The following GJB2 variants were observed in gnomAD, a reference collection of about 807,000 sequenced individuals.
GJB2 encodes gap junction protein beta 2.
A neutral mutation model predicts 16.0 loss-of-function variants in GJB2; 30 were observed. The observed-to-expected ratio is 1.88, with a 90% CI of 1.41 to 2.55. GJB2 has a LOEUF of 2.55. GJB2 is among the 30% of genes most tolerant of loss of function. GJB2 has a pLI of 0.00. For missense variants in GJB2, 284 were observed against 289.7 expected (o/e 0.98, Z 0.14); for synonymous variants, 123 against 119.1 (o/e 1.03, Z -0.21).
intron 1 of GJB2, among the ~76,000 whole-genome samples, chr13:20,190,720 C>A (rs776814250): frequency 6.6e-6 from 1 of 152,224 alleles, no homozygotes; most frequent in Non-Finnish European, 1.5e-5. Flanking sequence ...CCACAACCAA[C>A]GCTCTCCTAA....
chr13:20,189,607 GA>G lies in GJB2; in HGVS notation c.-22-5del. 6.2e-7 allele frequency: 1 copy of G among 1,602,870 alleles called. No individual in the cohort carries two copies. The highest frequency in any genetic ancestry group is 8.5e-7 in the Non-Finnish European group (1 of 1,170,262). ...CTTCTACTCTGGGCGGTTTGCTCTG[GA>G]AAAGACGAATGCACACAACACAGGA... On this transcript the variant is annotated splice_polypyrimidine_tract_variant and splice_region_variant and intron_variant, in intron 1 of 1. Coordinates refer to ENST00000382848, the MANE Select transcript of GJB2 (RefSeq NM_004004.6).
At chr13:20,190,903 T>C (rs984319602) in intron 1 of GJB2, among the ~76,000 whole-genome samples, 1 of 152,190 alleles carries the variant, frequency 6.6e-6, no homozygotes, top group Non-Finnish European at 1.5e-5. Flanking sequence ...TGAATGTCTT[T>C]CATGACCCAC....
chr13:20,192,927 CG>C lies in GJB2; in HGVS notation c.-168del, dbSNP rs2137312412. 1 of 152,866 alleles carries C rather than the reference CG, an allele frequency of 6.5e-6. No individual in the cohort carries two copies. Among genetic ancestry groups the C allele is most frequent in the Non-Finnish European group, 1.5e-5 (1 of 68,488 alleles). The allele number at this position is 152,866 out of a possible 1,614,324, so 9.5% of individuals were successfully genotyped here. A position where few individuals can be genotyped will look rare whatever the true frequency, so the allele number is the denominator to read the frequency against. On this transcript the variant is annotated 5_prime_UTR_variant, in exon 1 of 2. Transcript: ENST00000382848. ...CGGGGAGAGGAGCGCGCGGGCGCTG[CG>C]GGGCCGCAACACCTGTCTCCCGCCG...
At chr13:20,190,432 CA>C (rs1188447980) in intron 1 of GJB2, among the ~76,000 whole-genome samples, 2 of 152,188 alleles carry the variant, frequency 1.3e-5, no homozygotes, top group Non-Finnish European at 2.9e-5. Context: ...ATAAGTGCTG[CA>C]ACAGTGCATT....
Position 20,187,986 on chromosome 13 carries a change from G to C in GJB2, c.*915C>G, listed in dbSNP as rs189685514. On this transcript the variant is annotated 3_prime_UTR_variant, in exon 2 of 2. Coordinates refer to ENST00000382848, the MANE Select transcript of GJB2 (RefSeq NM_004004.6). ...GTTCTTTCCGATGCTGGCTACCACA[G>C]TCATGGAAAAGGGAGATGTGTTGGA... 1 of 152,338 alleles carries C rather than the reference G, an allele frequency of 6.6e-6. No homozygotes were observed. Among genetic ancestry groups the C allele is most frequent in the African/African-American group, 2.4e-5 (1 of 41,580 alleles). The allele number at this position is 152,338 out of a possible 1,614,324, so 9.4% of individuals were successfully genotyped here.
rs9237 is a variant in GJB2 at position 20,187,834 on chromosome 13, C to T, written c.*1067G>A. The T allele has an allele frequency of 6.6e-6, 1 of 152,162 alleles. No individual in the cohort carries two copies. The highest frequency in any genetic ancestry group is 2.4e-5 in the African/African-American group (1 of 41,406). The allele number at this position is 152,162 out of a possible 1,614,324, so 9.4% of individuals were successfully genotyped here. A position where few individuals can be genotyped will look rare whatever the true frequency, so the allele number is the denominator to read the frequency against. On this transcript the variant is annotated 3_prime_UTR_variant, in exon 2 of 2. Coordinates refer to ENST00000382848, the MANE Select transcript of GJB2 (RefSeq NM_004004.6). ...ACAAAGCTCATCTTTAATCAACAGACTTTAGAGTCCAGTCTTTCCAAATCT... is the reference window on the plus strand; with the variant it reads ...ACAAAGCTCATCTTTAATCAACAGATTTTAGAGTCCAGTCTTTCCAAATCT...
At chr13:20,189,719 C>T in intron 1 of GJB2, 116 bp from the exon 2 acceptor site, 1 of 795,456 alleles carries the variant, frequency 1.3e-6, no homozygotes, top group South Asian at 1.4e-5. Context: ...AACACCAACT[C>T]TTACACAACC....
chr13:20,188,808 G>T lies in GJB2; in HGVS notation c.*93C>A. 1.0e-6 allele frequency: 1 copy of T among 1,000,308 alleles called. No individual in the cohort carries two copies. 62.0% of individuals were successfully genotyped at this position (1,000,308 alleles called of 1,614,324 possible). On this transcript the variant is annotated 3_prime_UTR_variant, in exon 2 of 2. Coordinates refer to ENST00000382848, the MANE Select transcript of GJB2 (RefSeq NM_004004.6). ...ATTTAAGGTCAGAATCTTTGTGTTG[G>T]GAAATGCTAGCGACTGAGCCTTGAC...
rs915521910 is a variant in GJB2 at position 20,189,274 on chromosome 13, T to A, written c.308A>T (p.Lys103Met). The A allele has an allele frequency of 6.2e-7, 1 of 1,613,780 alleles. No homozygotes were observed. Among genetic ancestry groups the A allele is most frequent in the Non-Finnish European group, 8.5e-7 (1 of 1,180,042 alleles). The change falls in exon 2 of 2, where the codon AAG becomes ATG. Residue 103 changes from lysine (K) to methionine (M), a missense_variant. Physicochemically the swap from Lys to Met is moderately conservative, Grantham distance 95. Coordinates refer to ENST00000382848, the MANE Select transcript of GJB2 (RefSeq NM_004004.6). ...TATCTCCCCCTTGATGAACTTCCTCTTCTTCTCATGTCTCCGGTAGGCCAC... is the reference window on the plus strand; with the variant it reads ...TATCTCCCCCTTGATGAACTTCCTCATCTTCTCATGTCTCCGGTAGGCCAC... ...MHVAYRRHEK[K>M]RKFIKGEIKS...
chr13:20,188,848 T>C lies in GJB2; in HGVS notation c.*53A>G, dbSNP rs1959054317. 5 of 1,371,144 alleles carry C rather than the reference T, an allele frequency of 3.6e-6. No homozygotes were observed. The highest frequency in any genetic ancestry group is 1.7e-5 in the Admixed American group (1 of 59,730). The allele number at this position is 1,371,144 out of a possible 1,614,324, so 84.9% of individuals were successfully genotyped here. ...TGAGCCTTGACAGCTGAGCACGGGT[T>C]GCCTCATCCCTCTCATGCTGTCTAT... On this transcript the variant is annotated 3_prime_UTR_variant, in exon 2 of 2. Transcript: ENST00000382848.
chr13:20,188,302 T>C lies in GJB2; in HGVS notation c.*599A>G, dbSNP rs1283516484. 1 of 152,736 alleles carries C rather than the reference T, an allele frequency of 6.5e-6. No individual in the cohort carries two copies. The highest frequency in any genetic ancestry group is 2.4e-5 in the African/African-American group (1 of 41,448). The allele number at this position is 152,736 out of a possible 1,614,324, so 9.5% of individuals were successfully genotyped here. A position where few individuals can be genotyped will look rare whatever the true frequency, so the allele number is the denominator to read the frequency against. The stretch of plus-strand genomic sequence containing the variant: ...ATTTACATATTACAATCTGAGCCTC[T>C]GAAACAGGGGGAACATATAATGGTA... On this transcript the variant is annotated 3_prime_UTR_variant, in exon 2 of 2. Transcript: ENST00000382848.
At position 20,189,284 on chromosome 13, in the gene GJB2, G is replaced by A. The variant is rs143343083; in HGVS notation, c.298C>T (p.His100Tyr). 7.3e-5 allele frequency: 117 copies of A among 1,613,672 alleles called. No homozygotes were observed. Among genetic ancestry groups the A allele is most frequent in the Non-Finnish European group, 9.6e-5 (113 of 1,180,038 alleles). The change falls in exon 2 of 2, where the codon CAT becomes TAT. Residue 100 changes from histidine to tyrosine, a missense_variant. His to Tyr is a moderately conservative substitution (Grantham distance 83). Transcript: ENST00000382848. ...LVAMHVAYRRHEKKRKFIKGE... is the reference protein window; with the variant it reads ...LVAMHVAYRRYEKKRKFIKGE... ...TTGATGAACTTCCTCTTCTTCTCAT[G>A]TCTCCGGTAGGCCACGTGCATGGCC...
In GJB2 at chr13:20,189,601, G is replaced by C; in HGVS notation, c.-20C>G. Reference sequence around the variant, plus strand: ...ATCCATCTTCTACTCTGGGCGGTTTGCTCTGGAAAAGACGAATGCACACAA... The same window carrying C: ...ATCCATCTTCTACTCTGGGCGGTTTCCTCTGGAAAAGACGAATGCACACAA... On this transcript the variant is annotated splice_region_variant and 5_prime_UTR_variant, in exon 2 of 2. Coordinates refer to ENST00000382848, the MANE Select transcript of GJB2 (RefSeq NM_004004.6). 1 of 1,612,274 alleles carries C rather than the reference G, an allele frequency of 6.2e-7. No homozygotes were observed. Among genetic ancestry groups the C allele is most frequent in the Non-Finnish European group, 8.5e-7 (1 of 1,178,596 alleles).
intron 1 of GJB2, among the ~76,000 whole-genome samples, chr13:20,191,441 A>G (rs1959075824): frequency 6.6e-6 from 1 of 152,220 alleles, no homozygotes; most frequent in Non-Finnish European, 1.5e-5. Flanking sequence ...ATCAGCTGAG[A>G]AAAATACAGT....
intron 1 of GJB2, 101 bp from the exon 2 acceptor site, chr13:20,189,704 G>T: frequency 1.1e-6 from 1 of 890,704 alleles, no homozygotes. Context: ...ATCTCTTCCT[G>T]AGCAAACACC....
In GJB2 at chr13:20,187,662, T is replaced by G. The variant is rs1016745684; in HGVS notation, c.*1239A>C. Reference sequence around the variant, plus strand: ...CATTTTTTGGAAACCATGTCAAGCATAATGGCAATATTCAGGTTCAATCTT... The same window carrying G: ...CATTTTTTGGAAACCATGTCAAGCAGAATGGCAATATTCAGGTTCAATCTT... On this transcript the variant is annotated 3_prime_UTR_variant, in exon 2 of 2. Coordinates refer to ENST00000382848, the MANE Select transcript of GJB2 (RefSeq NM_004004.6). 6.6e-6 allele frequency: 1 copy of G among 152,196 alleles called. No homozygotes were observed. Among genetic ancestry groups the G allele is most frequent in the Non-Finnish European group, 1.5e-5 (1 of 68,044 alleles). 9.4% of individuals were successfully genotyped at this position (152,196 alleles called of 1,614,324 possible). A position where few individuals can be genotyped will look rare whatever the true frequency, so the allele number is the denominator to read the frequency against.
intron 1 of GJB2, chr13:20,189,915 C>T (rs141915221): frequency 1.5e-4 from 57 of 384,730 alleles, no homozygotes; most frequent in African/African-American, 1.0e-3. Flanking sequence ...ATAAAGTCCT[C>T]GTTAGCTGAA....
At position 20,189,595 on chromosome 13, in the gene GJB2, CG is replaced by C. The variant is rs1566529147; in HGVS notation, c.-15del. 3 of 1,613,324 alleles carry C rather than the reference CG, an allele frequency of 1.9e-6. No individual in the cohort carries two copies. Among genetic ancestry groups the C allele is most frequent in the South Asian group, 1.1e-5 (1 of 91,036 alleles). On this transcript the variant is annotated 5_prime_UTR_variant, in exon 2 of 2. Coordinates refer to ENST00000382848, the MANE Select transcript of GJB2 (RefSeq NM_004004.6). ...GCCCCAATCCATCTTCTACTCTGGG[CG>C]GTTTGCTCTGGAAAAGACGAATGCA...
intron 1 of GJB2, among the ~76,000 whole-genome samples, chr13:20,192,155 C>G (rs541543014): frequency 6.6e-6 from 1 of 152,294 alleles, no homozygotes; most frequent in South Asian, 2.1e-4. Context: ...AATTTTCCTT[C>G]TAGGCGGGGA....
Sources: gnomAD v4.1 joint callset for allele counts (sites outside exome capture counted in the v4.1 genomes callset) on GRCh38, gnomAD v4.1.1 for gene constraint, MANE v1.5 for transcripts, NCBI Gene and HGNC (gene_info 2026-07-23, HGNC 2026-07-21) for gene names.